CDH10: variants seen among roughly 807,000 people sequenced by gnomAD.
CDH10 encodes cadherin 10.
CDH10 carries 30 observed loss-of-function variants against 73.1 expected under a neutral mutation model. The ratio of observed to expected loss-of-function variants is 0.41; its 90% CI spans 0.31 to 0.56. The LOEUF is 0.56. Ranked by LOEUF, CDH10 falls within the 20% of genes least tolerant of loss-of-function variation. The probability of loss-of-function intolerance (pLI) is 0.27; values close to 1 mark genes in which losing one functional copy is unlikely to be tolerated. For missense variants in CDH10, 815 were observed against 973.7 expected (o/e 0.84, Z 2.17); for synonymous variants, 345 against 348.2 (o/e 0.99, Z 0.10).
chr5:24,566,065 T>A (rs1745155143), intron 2 of CDH10, among the ~76,000 whole-genome samples: 1 of 152,172 alleles, frequency 6.6e-6, no homozygotes, highest in Non-Finnish European at 1.5e-5. Flanking sequence ...TGTTTTGTTT[T>A]TGAGACAGAG....
At chr5:24,633,905 T>C (rs1366394557) in intron 1 of CDH10, among the ~76,000 whole-genome samples, 1 of 151,808 alleles carries the variant, frequency 6.6e-6, no homozygotes, top group Non-Finnish European at 1.5e-5. Flanking sequence ...ACAATAATTC[T>C]CAACATGACC....
intron 2 of CDH10, among the ~76,000 whole-genome samples, chr5:24,553,339 C>T (rs1428990159): frequency 6.6e-6 from 1 of 152,118 alleles, no homozygotes; most frequent in Non-Finnish European, 1.5e-5. Flanking sequence ...TTTCAGTCTG[C>T]AGTCGCATGC....
chr5:24,578,099 G>A (rs2112045266), intron 2 of CDH10, among the ~76,000 whole-genome samples: 1 of 152,246 alleles, frequency 6.6e-6, no homozygotes, highest in East Asian at 1.9e-4. Context: ...CCTTCAGAGG[G>A]AGCAGAAGAG....
Position 24,612,822 on chromosome 5 carries a change from T to A in CDH10, c.-123-19209A>T, listed in dbSNP as rs373104242. 4.6e-5 allele frequency: 7 copies of A among 152,318 alleles called. No homozygotes were observed. In the East Asian group the frequency reaches 1.4e-3, roughly 29 times the overall value. The allele number at this position is 152,318 out of a possible 1,614,324, so 9.4% of individuals were successfully genotyped here. A position where few individuals can be genotyped will look rare whatever the true frequency, so the allele number is the denominator to read the frequency against. On this transcript the variant is annotated intron_variant, in intron 1 of 11. Transcript: ENST00000264463. ...ATAGACATAAATGGAACTTTTGAAA[T>A]GTAAGGCAGTTTTTCAATCTATCAT...
chr5:24,563,451 T>TAAA (rs34730632), intron 2 of CDH10, among the ~76,000 whole-genome samples: 58,037 of 144,290 alleles, frequency 0.4, 12,537 homozygotes, highest in African/African-American at 0.57. Context: ...TATAGAAGCT[T>TAAA]AAAAAAAAAA....
intron 1 of CDH10, among the ~76,000 whole-genome samples, chr5:24,597,762 A>AAC (rs1321159436): frequency 6.6e-6 from 1 of 152,006 alleles, no homozygotes; most frequent in Admixed American, 6.6e-5. Context: ...GGCAGCCAAG[A>AAC]ACAGCAGATC....
intron 2 of CDH10, among the ~76,000 whole-genome samples, chr5:24,584,651 A>T (rs1377646610): frequency 6.8e-6 from 1 of 147,672 alleles, no homozygotes; most frequent in Non-Finnish European, 1.5e-5. Context: ...TTTGTATTTT[A>T]GTAGAGACGG....
At chr5:24,603,493 T>C (rs1356616267) in intron 1 of CDH10, among the ~76,000 whole-genome samples, 2 of 152,182 alleles carry the variant, frequency 1.3e-5, no homozygotes, top group African/African-American at 4.8e-5. Context: ...CATCATGACT[T>C]CACCTTAGTA....
At chr5:24,512,907 C>T (rs968781553) in intron 5 of CDH10, among the ~76,000 whole-genome samples, 1 of 149,096 alleles carries the variant, frequency 6.7e-6, no homozygotes. Context: ...TAGTCACTTC[C>T]ATGAAAGATA....
At chr5:24,524,840 T>C (rs1276864890) in intron 5 of CDH10, among the ~76,000 whole-genome samples, 2 of 152,176 alleles carry the variant, frequency 1.3e-5, no homozygotes, top group Non-Finnish European at 2.9e-5. Flanking sequence ...ACTTTCATCC[T>C]GATACTGACA....
At chr5:24,557,418 T>C (rs1744806722) in intron 2 of CDH10, among the ~76,000 whole-genome samples, 1 of 151,670 alleles carries the variant, frequency 6.6e-6, no homozygotes, top group South Asian at 2.1e-4. Context: ...ATCCATTTCA[T>C]TTTTAGTAAA....
chr5:24,570,136 C>T (rs10942057), intron 2 of CDH10, among the ~76,000 whole-genome samples: 55,390 of 151,956 alleles, frequency 0.36, 12,373 homozygotes, highest in East Asian at 0.54. Context: ...AATTGGGAAT[C>T]ACCCTCTTAG....
intron 2 of CDH10, among the ~76,000 whole-genome samples, chr5:24,562,405 T>G (rs2111991599): frequency 6.6e-6 from 1 of 152,178 alleles, no homozygotes; most frequent in Admixed American, 6.5e-5. Context: ...TGTCTCAAAT[T>G]TAATTTCACT....
chr5:24,568,182 T>C (rs1489567238), intron 2 of CDH10, among the ~76,000 whole-genome samples: 1 of 151,956 alleles, frequency 6.6e-6, no homozygotes. Context: ...AAACATAGGA[T>C]AGAAACCAGA....
In CDH10 at chr5:24,490,158, T is replaced by C. The variant is rs1263913520; in HGVS notation, c.1876+1418A>G. On this transcript the variant is annotated intron_variant, in intron 11 of 11. Coordinates refer to ENST00000264463, the MANE Select transcript of CDH10 (RefSeq NM_006727.5). The stretch of plus-strand genomic sequence containing the variant: ...TTCTTACTAGAGACTTTCATTTTAA[T>C]TACATATTTTAATAGAACAAGTTTT... 2.6e-5 allele frequency among the ~76,000 whole-genome samples: 4 copies of C among 152,104 alleles called. No homozygotes were observed. The East Asian group carries it at 7.7e-4, about 29-fold the overall frequency.
intron 1 of CDH10, among the ~76,000 whole-genome samples, chr5:24,636,247 C>G (rs182722814): frequency 6.6e-6 from 1 of 152,030 alleles, no homozygotes; most frequent in Admixed American, 6.6e-5. Flanking sequence ...ATAGAAAAAA[C>G]TACCAGTGAC....
At chr5:24,560,842 T>C (rs1029744949) in intron 2 of CDH10, among the ~76,000 whole-genome samples, 1 of 152,150 alleles carries the variant, frequency 6.6e-6, no homozygotes, top group Non-Finnish European at 1.5e-5. Context: ...ATAAAGTTGT[T>C]ACTCTGTGGT....
chr5:24,622,529 G>A (rs564124488), intron 1 of CDH10, among the ~76,000 whole-genome samples: 1 of 152,136 alleles, frequency 6.6e-6, no homozygotes, highest in African/African-American at 2.4e-5. Flanking sequence ...TCACTCTAGT[G>A]TTCTGATTAG....
At chr5:24,589,524 A>G (rs923476081) in intron 2 of CDH10, among the ~76,000 whole-genome samples, 3 of 151,402 alleles carry the variant, frequency 2.0e-5, no homozygotes, top group African/African-American at 7.3e-5. Flanking sequence ...ATTTTTCTCA[A>G]TTTTTGGTTT....
Sources: gnomAD v4.1 joint callset for allele counts (sites outside exome capture counted in the v4.1 genomes callset) on GRCh38, gnomAD v4.1.1 for gene constraint, MANE v1.5 for transcripts, NCBI Gene and HGNC (gene_info 2026-07-23, HGNC 2026-07-21) for gene names.